The following COPS7A variants were observed in gnomAD, a reference collection of about 807,000 sequenced individuals.
The protein encoded by COPS7A is COP9 signalosome subunit 7A, also known as COP9 signalosome complex subunit 7a.
COPS7A carries 20 observed loss-of-function variants against 35.2 expected under a neutral mutation model. The ratio of observed to expected loss-of-function variants is 0.57; its 90% CI spans 0.40 to 0.83. The LOEUF is 0.83. COPS7A is among the 40% of genes least tolerant of loss of function. The pLI is 0.00. For synonymous variants in COPS7A, 139 were observed against 141.4 expected, an observed-to-expected ratio of 0.98 and a Z score of 0.12; for missense variants, 247 against 347.5, an observed-to-expected ratio of 0.71 and a Z score of 2.30.
Position 6,729,029 on chromosome 12 carries a change from T to TA in COPS7A, c.328-218_328-217insA, listed in dbSNP as rs1941324217. ...AGGGGTGAGGGTGTTAGGGGAGCAT[T>TA]TTGTATTTTATTTAAGATTGTCCTT... On this transcript the variant is annotated intron_variant, in intron 4 of 7. Coordinates refer to ENST00000543155, the MANE Select transcript of COPS7A (RefSeq NM_001164094.2). This position sits in a 1 kb window ranked among gnomAD's most constrained non-coding sequence, Gnocchi z 4.2. The TA allele has an allele frequency of 3.6e-6, 2 of 558,362 alleles. No homozygotes were observed. Among genetic ancestry groups the TA allele is most frequent in the Non-Finnish European group, 6.4e-6 (2 of 311,676 alleles). 34.6% of individuals were successfully genotyped at this position (558,362 alleles called of 1,614,324 possible). A position where few individuals can be genotyped will look rare whatever the true frequency, so the allele number is the denominator to read the frequency against.
chr12:6,729,197 T>C lies in COPS7A; in HGVS notation c.328-50T>C, dbSNP rs776805190. 6 of 1,597,734 alleles carry C rather than the reference T, an allele frequency of 3.8e-6. No homozygotes were observed. The highest frequency in any genetic ancestry group is 2.2e-5 in the South Asian group (2 of 90,744). ...AAGGAGGGAAGATTTTTGGAAGCCC[T>C]TCTCTACTACGGAGCGTCACAAATC... is the stretch of plus-strand genomic sequence containing the variant. On this transcript the variant is annotated intron_variant, in intron 4 of 7. Coordinates refer to ENST00000543155, the MANE Select transcript of COPS7A (RefSeq NM_001164094.2). The surrounding 1 kb of genome is among the most constrained non-coding windows in gnomAD (Gnocchi z 4.2).
chr12:6,731,766 G>T lies in COPS7A; in HGVS notation c.*727G>T, dbSNP rs1272256068. The T allele has an allele frequency of 1.3e-5, 2 of 151,868 alleles. No individual in the cohort carries two copies. The highest frequency in any genetic ancestry group is 6.6e-5 in the Admixed American group (1 of 15,218). The allele number at this position is 151,868 out of a possible 1,614,324, so 9.4% of individuals were successfully genotyped here. On this transcript the variant is annotated 3_prime_UTR_variant, in exon 8 of 8. Coordinates refer to ENST00000543155, the MANE Select transcript of COPS7A (RefSeq NM_001164094.2). The stretch of plus-strand genomic sequence containing the variant: ...TCCTTTTGTGAGTTTGGTGGGGAAG[G>T]GAAGGGTATATAGATTGTATTAAAA...
Position 6,724,644 on chromosome 12 carries a change from A to T in COPS7A, c.-13A>T, listed in dbSNP as rs746979230. On this transcript the variant is annotated 5_prime_UTR_variant, in exon 2 of 8. Transcript: ENST00000543155. ...GACATCCTGAGCCCAAGTCCCCCAC[A>T]CTCAGTGCAGTGATGAGTGCGGAAG... The T allele has an allele frequency of 6.2e-7, 1 of 1,613,852 alleles. No individual in the cohort carries two copies. The highest frequency in any genetic ancestry group is 1.3e-5 in the African/African-American group (1 of 74,934).
Position 6,730,486 on chromosome 12 carries a change from G to T in COPS7A, c.615G>T (p.Leu205=), listed in dbSNP as rs754048499. The change falls in exon 6 of 8, where the codon CTG becomes CTT. Residue 205 remains leucine, a synonymous_variant. Coordinates refer to ENST00000543155, the MANE Select transcript of COPS7A (RefSeq NM_001164094.2). The part of the protein sequence containing the change: ...ANQHKEQQLG[L]KQQIESEVAN... ...AACACAAGGAGCAGCAGCTGGGCCT[G>T]AAGCAGCAGATTGAGAGTGAGGTGA... The T allele has an allele frequency of 1.2e-6, 2 of 1,614,170 alleles. No individual in the cohort carries two copies. The highest frequency in any genetic ancestry group is 2.2e-5 in the South Asian group (2 of 91,076).
chr12:6,724,912 C>T, intron 2 of COPS7A, 94 bp downstream of exon 2: 1 of 1,333,150 alleles, frequency 7.5e-7, no homozygotes. Flanking sequence ...ATCCAATAAC[C>T]ATTCAGTTGA....
At chr12:6,725,661 A>G (rs775422884) in intron 2 of COPS7A, 34 of 455,954 alleles carry the variant, frequency 7.5e-5, no homozygotes, top group Non-Finnish European at 1.3e-4. Flanking sequence ...CACATGGCAA[A>G]CTGCTAGGAA....
rs887000070 is a variant in COPS7A at position 6,724,800 on chromosome 12, C to T, written c.144C>T (p.Asp48=). ...TCTACGTGTTTGGAGAACTGCTGGA[C>T]ATGCCCAATGTTAGAGAGGTGGGTT... ...PGVYVFGELL[D]MPNVRELAES... The change falls in exon 2 of 8, where the codon GAC becomes GAT. Residue 48 remains aspartate (D), a synonymous_variant. Coordinates refer to ENST00000543155, the MANE Select transcript of COPS7A (RefSeq NM_001164094.2). 5.6e-6 allele frequency: 9 copies of T among 1,614,060 alleles called. No homozygotes were observed. The African/African-American group carries it at 1.2e-4, about 22-fold the overall frequency.
chr12:6,726,433 C>T (rs550559841), intron 2 of COPS7A, among the ~76,000 whole-genome samples: 53 of 151,192 alleles, frequency 3.5e-4, no homozygotes, highest in African/African-American at 1.2e-3. Flanking sequence ...AAAACCCCGT[C>T]TCTGCTAAAA....
chr12:6,727,575 C>T (rs1941287951), intron 2 of COPS7A: 1 of 446,010 alleles, frequency 2.2e-6, no homozygotes, highest in African/African-American at 2.0e-5. Context: ...AATTTAGAAA[C>T]ATCAAACACT....
chr12:6,729,041 T>A lies in COPS7A; in HGVS notation c.328-206T>A. 1.7e-6 allele frequency: 1 copy of A among 581,282 alleles called. No individual in the cohort carries two copies. The highest frequency in any genetic ancestry group is 2.9e-5 in the East Asian group (1 of 34,234). The allele number at this position is 581,282 out of a possible 1,614,324, so 36.0% of individuals were successfully genotyped here. On this transcript the variant is annotated intron_variant, in intron 4 of 7. Transcript: ENST00000543155. This position sits in a 1 kb window ranked among gnomAD's most constrained non-coding sequence, Gnocchi z 4.2. Reference sequence around the variant, plus strand: ...GTTAGGGGAGCATTTTGTATTTTATTTAAGATTGTCCTTCTAATGATGCTG... The same window carrying A: ...GTTAGGGGAGCATTTTGTATTTTATATAAGATTGTCCTTCTAATGATGCTG...
rs373291541 is a variant in COPS7A at position 6,728,331 on chromosome 12, T to C, written c.327+20T>C. The C allele has an allele frequency of 1.2e-6, 2 of 1,601,192 alleles. No individual in the cohort carries two copies. The highest frequency in any genetic ancestry group is 1.7e-6 in the Non-Finnish European group (2 of 1,168,558). On this transcript the variant is annotated intron_variant, in intron 4 of 7. Transcript: ENST00000543155. ...GTAAAGGTGAGTGGCAGTCCCCCAG[T>C]CCTACGGTCTAGAGCATCCTTTTGT...
chr12:6,728,217 C>T lies in COPS7A; in HGVS notation c.239-6C>T. 1 of 1,613,438 alleles carries T rather than the reference C, an allele frequency of 6.2e-7. No homozygotes were observed. The highest frequency in any genetic ancestry group is 8.5e-7 in the Non-Finnish European group (1 of 1,179,632). On this transcript the variant is annotated splice_region_variant and splice_polypyrimidine_tract_variant and intron_variant, in intron 3 of 7. Coordinates refer to ENST00000543155, the MANE Select transcript of COPS7A (RefSeq NM_001164094.2). ...GGATTCCTTACACTTTGTCGTTTTT[C>T]CCTAGCTGAAGCCCGGAATCTTCCT...
intron 2 of COPS7A, chr12:6,727,701 G>C (rs988379289): frequency 3.0e-6 from 2 of 664,768 alleles, no homozygotes; most frequent in African/African-American, 3.5e-5. Context: ...TGGAGCAAGA[G>C]GGCATTGTGG....
intron 2 of COPS7A, chr12:6,725,899 A>G (rs776660066): frequency 6.6e-6 from 3 of 456,020 alleles, no homozygotes; most frequent in Non-Finnish European, 1.3e-5. Context: ...GTGATGAAAA[A>G]GAAGCACTTG....
At chr12:6,725,902 A>G (rs7487866) in intron 2 of COPS7A, 301,565 of 455,462 alleles carry the variant, frequency 0.66, 101,349 homozygotes, top group South Asian at 0.81. Flanking sequence ...ATGAAAAAGA[A>G]GCACTTGGCT....
In COPS7A at chr12:6,727,428, T is replaced by C. The variant is rs115402577; in HGVS notation, c.163-498T>C. Among the ~76,000 whole-genome samples, 477 of 150,984 alleles carry C rather than the reference T, an allele frequency of 3.2e-3. 2 individuals carry two copies. The highest frequency in any genetic ancestry group is 0.011 in the African/African-American group (461 of 40,974). ...GACTGGGCTGGGTGATGCAAGACAG[T>C]GTCCTGGTCAGGTGTGTCTGAAGCA... On this transcript the variant is annotated intron_variant, in intron 2 of 7. Coordinates refer to ENST00000543155, the MANE Select transcript of COPS7A (RefSeq NM_001164094.2).
At chr12:6,724,403 G>A in intron 1 of COPS7A, 1 of 565,274 alleles carries the variant, frequency 1.8e-6, no homozygotes. Flanking sequence ...ACGTGATGGG[G>A]CTTGGGGTTA....
chr12:6,730,926 G>C (rs753589620), intron 7 of COPS7A, 74 bp from the exon 8 acceptor site: 3 of 1,584,650 alleles, frequency 1.9e-6, no homozygotes, highest in South Asian at 2.3e-5. Flanking sequence ...AGTAGGGAGT[G>C]GGGGAGCCTC....
At position 6,729,904 on chromosome 12, in the gene COPS7A, G is replaced by C. The variant is rs1565468563; in HGVS notation, c.530+455G>C. On this transcript the variant is annotated intron_variant, in intron 5 of 7. Transcript: ENST00000543155. The surrounding 1 kb of genome is among the most constrained non-coding windows in gnomAD (Gnocchi z 4.2). The stretch of plus-strand genomic sequence containing the variant: ...TGTTTTCAGTTCCTACTCCCATCTT[G>C]CTCATCACTCCAGGCGCTTCCTTAT... 6.6e-6 allele frequency among the ~76,000 whole-genome samples: 1 copy of C among 151,996 alleles called. No homozygotes were observed. Among genetic ancestry groups the C allele is most frequent in the East Asian group, 1.9e-4 (1 of 5,186 alleles).
Sources: allele counts gnomAD v4.1 joint callset (sites outside exome capture counted in the v4.1 genomes callset), GRCh38; gene constraint gnomAD v4.1.1; non-coding constraint Gnocchi (gnomAD v3.1); transcripts MANE v1.5; gene names NCBI Gene and HGNC (gene_info 2026-07-23, HGNC 2026-07-21).